The following PLPPR5 variants were observed in gnomAD, a reference collection of about 807,000 sequenced individuals.
PLPPR5 encodes phospholipid phosphatase-related protein type 5.
In PLPPR5, 16 loss-of-function variants were observed where a neutral mutation model predicts 33.9. The ratio of observed to expected loss-of-function variants is 0.47; its 90% CI spans 0.32 to 0.72. The LOEUF (loss-of-function observed/expected upper bound fraction) is 0.72. Among genes scored for constraint, PLPPR5 ranks in the 30% least tolerant of loss-of-function variants. The pLI is 0.03. For synonymous variants in PLPPR5, 163 were observed against 150.3 expected, an observed-to-expected ratio of 1.08 and a Z score of -0.62; for missense variants, 301 against 406.7, an observed-to-expected ratio of 0.74 and a Z score of 2.23.
At chr1:98,957,485 T>G (rs1476371918) in intron 1 of PLPPR5, among the ~76,000 whole-genome samples, 1 of 152,052 alleles carries the variant, frequency 6.6e-6, no homozygotes, top group Non-Finnish European at 1.5e-5. Context: ...ATTCCATGTT[T>G]TATTTTTTTA....
intron 1 of PLPPR5, among the ~76,000 whole-genome samples, chr1:98,958,414 T>C (rs1478349048): frequency 6.6e-6 from 1 of 152,090 alleles, no homozygotes; most frequent in African/African-American, 2.4e-5. Context: ...TAACTATACT[T>C]TTTTTTCAAG....
intron 5 of PLPPR5, among the ~76,000 whole-genome samples, chr1:98,910,805 G>T (rs1458200445): frequency 6.6e-6 from 1 of 151,754 alleles, no homozygotes; most frequent in Non-Finnish European, 1.5e-5. Flanking sequence ...TTAGGGAGGT[G>T]GGAGGAAAAC....
At chr1:99,003,960 G>T (rs1203664735) in intron 1 of PLPPR5, among the ~76,000 whole-genome samples, 3 of 152,130 alleles carry the variant, frequency 2.0e-5, no homozygotes, top group African/African-American at 7.2e-5. Context: ...ATAGAAATAC[G>T]TGCCCCGACT....
chr1:98,956,429 G>A (rs12120274), intron 2 of PLPPR5, among the ~76,000 whole-genome samples, 180 bp downstream of exon 2: 36,518 of 151,932 alleles, frequency 0.24, 5,142 homozygotes, highest in Non-Finnish European at 0.33. Flanking sequence ...TGATGTCTGC[G>A]ATTTTGATAC....
At chr1:98,978,717 A>G (rs1018195287) in intron 1 of PLPPR5, among the ~76,000 whole-genome samples, 4 of 152,058 alleles carry the variant, frequency 2.6e-5, no homozygotes, top group African/African-American at 9.7e-5. Context: ...TGAAAATTAA[A>G]TCAGCTCCCC....
At chr1:98,955,072 A>C (rs1300416945) in intron 2 of PLPPR5, among the ~76,000 whole-genome samples, 3 of 152,036 alleles carry the variant, frequency 2.0e-5, no homozygotes, top group African/African-American at 7.2e-5. Context: ...CACTTACCTA[A>C]AGTGCTTACC....
At chr1:98,918,460 A>G (rs924437234) in intron 4 of PLPPR5, among the ~76,000 whole-genome samples, 1 of 152,146 alleles carries the variant, frequency 6.6e-6, no homozygotes, top group African/African-American at 2.4e-5. Flanking sequence ...TATCATAATC[A>G]ATCTAAAAAT....
chr1:98,900,962 C>T (rs1648675227), intron 5 of PLPPR5, among the ~76,000 whole-genome samples: 1 of 152,130 alleles, frequency 6.6e-6, no homozygotes, highest in South Asian at 2.1e-4. Context: ...ACCATACAAC[C>T]TGGCAATCTC....
chr1:98,936,285 A>C (rs1005777977), intron 3 of PLPPR5, among the ~76,000 whole-genome samples: 2 of 152,270 alleles, frequency 1.3e-5, no homozygotes, highest in South Asian at 4.1e-4. Flanking sequence ...ATAAGAGTTA[A>C]AAGGTCCTAA....
intron 1 of PLPPR5, among the ~76,000 whole-genome samples, chr1:98,975,470 T>C (rs1268362445): frequency 2.0e-5 from 3 of 152,068 alleles, no homozygotes; most frequent in Non-Finnish European, 4.4e-5. Flanking sequence ...ATGAAGCCTT[T>C]TGAGGTTTCA....
rs780549133 is a variant in PLPPR5 at position 99,004,501 on chromosome 1, C to T, written c.171G>A (p.Pro57=). ...CGGGGGGCACGGCGCTGCTGTCCTC[C>T]GGGCCCGGGTAGGGTTTGCGGTAGG... ...DSAYRKPYPG[P]EDSSAVPPVL... The change falls in exon 1 of 6, where the codon CCG becomes CCA. Residue 57 remains proline (P), a synonymous_variant. Coordinates refer to ENST00000263177, the MANE Select transcript of PLPPR5 (RefSeq NM_001037317.2). The T allele has an allele frequency of 1.9e-6, 3 of 1,613,142 alleles. No individual in the cohort carries two copies. The highest frequency in any genetic ancestry group is 1.1e-5 in the South Asian group (1 of 91,066).
At chr1:98,941,617 G>A (rs1287314281) in intron 3 of PLPPR5, among the ~76,000 whole-genome samples, 1 of 151,422 alleles carries the variant, frequency 6.6e-6, no homozygotes, top group Admixed American at 6.6e-5. Context: ...TCCCTATAAT[G>A]TATAGAAGTT....
intron 4 of PLPPR5, among the ~76,000 whole-genome samples, 189 bp from the exon 5 acceptor site, chr1:98,915,109 G>A (rs576461264): frequency 1.3e-5 from 2 of 152,130 alleles, no homozygotes; most frequent in African/African-American, 4.8e-5. Context: ...AATTTTAATA[G>A]CTACTCCAAT....
chr1:98,914,723 C>T, intron 5 of PLPPR5, 63 bp downstream of exon 5: 1 of 1,410,432 alleles, frequency 7.1e-7, no homozygotes, highest in Non-Finnish European at 9.7e-7. Context: ...TCCAGATATA[C>T]ATACAGGAAT....
chr1:98,970,461 T>C (rs1382428784), intron 1 of PLPPR5, among the ~76,000 whole-genome samples: 1 of 152,004 alleles, frequency 6.6e-6, no homozygotes, highest in Non-Finnish European at 1.5e-5. Flanking sequence ...ATGGGAAATA[T>C]ATTTAGAAAT....
rs1416902627 is a variant in PLPPR5 at position 98,891,205 on chromosome 1, A to G, written c.*1867T>C. ...GACTGAATTGCTCTAGAGGTCTGAAATTAGTAGAAATTTTCTTTTCTTTTC... is the reference window on the plus strand; with the variant it reads ...GACTGAATTGCTCTAGAGGTCTGAAGTTAGTAGAAATTTTCTTTTCTTTTC... On this transcript the variant is annotated 3_prime_UTR_variant, in exon 6 of 6. Coordinates refer to ENST00000263177, the MANE Select transcript of PLPPR5 (RefSeq NM_001037317.2). 2.0e-5 allele frequency: 3 copies of G among 152,108 alleles called. No homozygotes were observed. The highest frequency in any genetic ancestry group is 7.2e-5 in the African/African-American group (3 of 41,434). 9.4% of individuals were successfully genotyped at this position (152,108 alleles called of 1,614,324 possible).
At chr1:98,966,895 T>A (rs1651468388) in intron 1 of PLPPR5, among the ~76,000 whole-genome samples, 1 of 152,106 alleles carries the variant, frequency 6.6e-6, no homozygotes, top group Non-Finnish European at 1.5e-5. Flanking sequence ...GAACCAACAG[T>A]ATCAGCAATC....
chr1:98,957,373 C>T (rs929893490), intron 1 of PLPPR5, among the ~76,000 whole-genome samples: 2 of 151,010 alleles, frequency 1.3e-5, no homozygotes, highest in Non-Finnish European at 3.0e-5. Flanking sequence ...AAATTATGAA[C>T]AAAAATAGAC....
chr1:98,975,459 G>C (rs1177198700), intron 1 of PLPPR5, among the ~76,000 whole-genome samples: 1 of 152,102 alleles, frequency 6.6e-6, no homozygotes, highest in African/African-American at 2.4e-5. Flanking sequence ...CATGCATACA[G>C]ATGAAGCCTT....
Sources: gnomAD v4.1 joint callset for allele counts (sites outside exome capture counted in the v4.1 genomes callset) on GRCh38, gnomAD v4.1.1 for gene constraint, MANE v1.5 for transcripts, NCBI Gene and HGNC (gene_info 2026-07-23, HGNC 2026-07-21) for gene names.